ADAMTS20: variants seen among roughly 807,000 people sequenced by gnomAD.
ADAMTS20 encodes the protein A disintegrin and metalloproteinase with thrombospondin motifs 20.
Under a neutral mutation model 260.1 loss-of-function variants are expected in ADAMTS20, and 225 were observed. That is an observed-to-expected ratio of 0.87 (90% CI 0.78 to 0.97). The LOEUF (loss-of-function observed/expected upper bound fraction) is 0.97, where lower values mean the gene tolerates loss of function less well. Ranked by LOEUF, ADAMTS20 falls within the 50% of genes least tolerant of loss-of-function variation. The pLI, the probability that ADAMTS20 is intolerant of heterozygous loss-of-function variation, is 0.00. For missense variants in ADAMTS20, 2,400 were observed against 2,337.7 expected, an observed-to-expected ratio of 1.03 and a Z score of -0.55; for synonymous variants, 802 against 769.5, an observed-to-expected ratio of 1.04 and a Z score of -0.70.
rs1042987264 is a variant in ADAMTS20 at position 43,514,937 on chromosome 12, C to T, written c.614-12532G>A. 6.0e-4 allele frequency among the ~76,000 whole-genome samples: 92 copies of T among 152,164 alleles called. 1 individual carries two copies. The highest frequency in any genetic ancestry group is 4.1e-3 in the Admixed American group (62 of 15,276). ...CTGCTGAAATTAGAACATGGCATAA[C>T]GCTATTAAAATTCACAGTAATACAT... is the stretch of plus-strand genomic sequence containing the variant. On this transcript the variant is annotated intron_variant, in intron 3 of 38. Transcript: ENST00000389420.
chr12:43,401,574 A>G (rs906626626), intron 28 of ADAMTS20, among the ~76,000 whole-genome samples: 1 of 151,874 alleles, frequency 6.6e-6, no homozygotes. Flanking sequence ...CTACTCTATA[A>G]CTTTAGGTCA....
Position 43,377,441 on chromosome 12 carries a change from A to T in ADAMTS20, c.4919T>A (p.Val1640Glu). 6.2e-7 allele frequency: 1 copy of T among 1,613,684 alleles called. No individual in the cohort carries two copies. Among genetic ancestry groups the T allele is most frequent in the Non-Finnish European group, 8.5e-7 (1 of 1,179,716 alleles). Reference sequence around the variant, plus strand: ...GCATTGGTAAACCTGAGAGGAAGGCACCACAGGGCATTCTTGATAAACTAT... The same window carrying T: ...GCATTGGTAAACCTGAGAGGAAGGCTCCACAGGGCATTCTTGATAAACTAT... ...RPIVYQECPV[V>E]PSSQVYQCIN... is the part of the protein sequence containing the mutation. The change falls in exon 32 of 39, where the codon GTG becomes GAG. Residue 1640 changes from valine to glutamate, a missense_variant. Physicochemically the swap from Val to Glu is moderately radical, Grantham distance 121. Transcript: ENST00000389420.
At position 43,428,536 on chromosome 12, in the gene ADAMTS20, T is replaced by C. The variant is rs752480439; in HGVS notation, c.3655-5A>G. 6.2e-6 allele frequency: 10 copies of C among 1,606,894 alleles called. No homozygotes were observed. The highest frequency in any genetic ancestry group is 3.4e-5 in the Admixed American group (2 of 59,256). ...ATGGCCACAGGAAGCTGAACACTGA[T>C]CAAAAATTTAGCCAATGGTAATATA... On this transcript the variant is annotated splice_polypyrimidine_tract_variant and splice_region_variant and intron_variant, in intron 25 of 38. Coordinates refer to ENST00000389420, the MANE Select transcript of ADAMTS20 (RefSeq NM_025003.5).
chr12:43,416,275 C>T (rs1380018820), intron 28 of ADAMTS20, among the ~76,000 whole-genome samples: 1 of 151,936 alleles, frequency 6.6e-6, no homozygotes, highest in Non-Finnish European at 1.5e-5. Flanking sequence ...TAGTCTGTCA[C>T]TTTTCAGTTT....
intron 11 of ADAMTS20, among the ~76,000 whole-genome samples, chr12:43,460,988 A>ATATATATATATATTTTTTTTTTTTTTTT: frequency 3.8e-5 from 1 of 26,392 alleles, no homozygotes; most frequent in Non-Finnish European, 6.7e-5. Context: ...ATATATATAT[A>ATATATATATATATTTTTTTTTTTTTTTT]TTTTTTTTTT....
chr12:43,549,431 TACTATGTACCC>T (rs1943483450), intron 2 of ADAMTS20, among the ~76,000 whole-genome samples: 2 of 152,024 alleles, frequency 1.3e-5, no homozygotes, highest in Non-Finnish European at 2.9e-5. Flanking sequence ...TATATATACC[TACTATGTACCC>T]ACAAAAATTA....
intron 3 of ADAMTS20, among the ~76,000 whole-genome samples, chr12:43,504,619 TA>T (rs1942815915): frequency 6.6e-6 from 1 of 152,146 alleles, no homozygotes; most frequent in Non-Finnish European, 1.5e-5. Context: ...AAAAGATAAA[TA>T]TTTATGCTTT....
At chr12:43,417,198 A>G (rs114034814) in intron 28 of ADAMTS20, among the ~76,000 whole-genome samples, 2,001 of 152,260 alleles carry the variant, frequency 0.013, 50 homozygotes, top group African/African-American at 0.046. Flanking sequence ...GATTCCCTTC[A>G]TAACTACTTC....
intron 37 of ADAMTS20, among the ~76,000 whole-genome samples, chr12:43,358,613 C>T (rs527403430): frequency 9.7e-4 from 147 of 151,664 alleles, no homozygotes; most frequent in East Asian, 6.6e-3. Flanking sequence ...CCGAGACGGG[C>T]GGATCACGAG....
In ADAMTS20 at chr12:43,551,947, G is replaced by A. The variant is rs1457187763; in HGVS notation, c.-26C>T. Reference sequence around the variant, plus strand: ...GGTTCCACCCTGGGGACCCCGATCGGGGAGGCCCACCAGAGCCGCCGGCAG... The same window carrying A: ...GGTTCCACCCTGGGGACCCCGATCGAGGAGGCCCACCAGAGCCGCCGGCAG... On this transcript the variant is annotated 5_prime_UTR_variant, in exon 1 of 39. Transcript: ENST00000389420. This position sits in a 1 kb window ranked among gnomAD's most constrained non-coding sequence, Gnocchi z 4.6. The A allele has an allele frequency of 6.2e-7, 1 of 1,607,492 alleles. No homozygotes were observed. The highest frequency in any genetic ancestry group is 1.1e-5 in the South Asian group (1 of 90,962).
At chr12:43,507,072 T>A (rs1592102317) in intron 3 of ADAMTS20, among the ~76,000 whole-genome samples, 1 of 152,160 alleles carries the variant, frequency 6.6e-6, no homozygotes. Context: ...TCTTATTTAA[T>A]GGAAATTTGC....
At chr12:43,481,971 C>A (rs6582466) in intron 7 of ADAMTS20, among the ~76,000 whole-genome samples, 25 of 152,042 alleles carry the variant, frequency 1.6e-4, no homozygotes, top group East Asian at 7.8e-4. Context: ...AGCCTGCCAC[C>A]GTGACACACA....
chr12:43,406,868 T>A (rs1940929168), intron 28 of ADAMTS20, among the ~76,000 whole-genome samples: 1 of 152,094 alleles, frequency 6.6e-6, no homozygotes, highest in South Asian at 2.1e-4. Context: ...ATATTTCTGC[T>A]TAAAACAAAA....
chr12:43,515,848 G>T (rs1430312308), intron 3 of ADAMTS20, among the ~76,000 whole-genome samples: 1 of 152,130 alleles, frequency 6.6e-6, no homozygotes, highest in African/African-American at 2.4e-5. Flanking sequence ...TTTATAGATA[G>T]AACACTTATT....
intron 6 of ADAMTS20, among the ~76,000 whole-genome samples, chr12:43,491,364 A>G (rs1289512698): frequency 6.6e-6 from 1 of 152,158 alleles, no homozygotes; most frequent in Non-Finnish European, 1.5e-5. Context: ...AAATCGCCTA[A>G]TGATGCATTT....
At chr12:43,426,726 T>C (rs1941340324) in intron 27 of ADAMTS20, among the ~76,000 whole-genome samples, 1 of 152,230 alleles carries the variant, frequency 6.6e-6, no homozygotes, top group South Asian at 2.1e-4. Context: ...TTTATTCTAG[T>C]TTTCTATTTT....
At chr12:43,422,613 C>A (rs907368549) in intron 28 of ADAMTS20, among the ~76,000 whole-genome samples, 1 of 151,964 alleles carries the variant, frequency 6.6e-6, no homozygotes, top group African/African-American at 2.4e-5. Context: ...TGTAAAAATT[C>A]TATACAAACC....
At chr12:43,455,055 G>C (rs1402511209) in intron 11 of ADAMTS20, among the ~76,000 whole-genome samples, 2 of 151,998 alleles carry the variant, frequency 1.3e-5, no homozygotes, top group Non-Finnish European at 2.9e-5. Flanking sequence ...CTCCCATTTT[G>C]TCCTCCCTGC....
intron 37 of ADAMTS20, among the ~76,000 whole-genome samples, chr12:43,363,194 G>A (rs1939911517): frequency 6.6e-6 from 1 of 151,980 alleles, no homozygotes; most frequent in South Asian, 2.1e-4. Context: ...TGCAGTTAAG[G>A]ATACAGGACT....
Sources: allele counts gnomAD v4.1 joint callset (sites outside exome capture counted in the v4.1 genomes callset), GRCh38; gene constraint gnomAD v4.1.1; non-coding constraint Gnocchi (gnomAD v3.1); transcripts MANE v1.5; gene names NCBI Gene and HGNC (gene_info 2026-07-23, HGNC 2026-07-21).